Variants in TDRD3 observed in about 807,000 individuals in gnomAD.
TDRD3 encodes tudor domain containing 3, also known as tudor domain-containing protein 3.
TDRD3 carries 45 observed loss-of-function variants against 86.7 expected under a neutral mutation model. The ratio of observed to expected loss-of-function variants is 0.52; its 90% CI spans 0.41 to 0.67. The LOEUF (loss-of-function observed/expected upper bound fraction) is 0.67. Ranked by LOEUF, TDRD3 falls within the 30% of genes least tolerant of loss-of-function variation. TDRD3 has a pLI of 0.00. For missense variants in TDRD3, 814 were observed against 889.0 expected (o/e 0.92, Z 1.07); for synonymous variants, 298 against 301.7 (o/e 0.99, Z 0.13).
At chr13:60,518,565 G>T (rs961058565) in intron 10 of TDRD3, among the ~76,000 whole-genome samples, 7 of 152,256 alleles carry the variant, frequency 4.6e-5, no homozygotes, top group Admixed American at 4.6e-4. Context: ...TGCCATTGAT[G>T]TGTTGCTTTT....
At chr13:60,509,658 T>G in intron 8 of TDRD3, 105 bp from the exon 9 acceptor site, 1 of 1,350,206 alleles carries the variant, frequency 7.4e-7, no homozygotes, top group South Asian at 1.3e-5. Context: ...CATTTTTACA[T>G]AAGTATGGGA....
chr13:60,459,572 A>G (rs575080046), intron 3 of TDRD3, among the ~76,000 whole-genome samples: 1 of 152,326 alleles, frequency 6.6e-6, no homozygotes, highest in East Asian at 1.9e-4. Flanking sequence ...TGCTTCATGT[A>G]TACCAGGAGA....
chr13:60,567,144 A>G (rs539055674), intron 12 of TDRD3, among the ~76,000 whole-genome samples: 16 of 152,288 alleles, frequency 1.1e-4, no homozygotes, highest in African/African-American at 3.6e-4. Context: ...TAGAAGCCCA[A>G]ATATTCAAGA....
At chr13:60,566,647 A>AT (rs748754194) in intron 12 of TDRD3, among the ~76,000 whole-genome samples, 44 of 152,112 alleles carry the variant, frequency 2.9e-4, no homozygotes, top group Admixed American at 4.6e-4. Flanking sequence ...CTGAGAGCTA[A>AT]TTTTTTCTCT....
intron 1 of TDRD3, among the ~76,000 whole-genome samples, chr13:60,414,886 G>GTT (rs548282396): frequency 6.7e-6 from 1 of 148,334 alleles, no homozygotes; most frequent in African/African-American, 2.5e-5. Context: ...ACAGACAGTG[G>GTT]TTTTTTTTTT....
In TDRD3 at chr13:60,453,454, A is replaced by G. The variant is rs1955593631; in HGVS notation, c.193-6926A>G. On this transcript the variant is annotated intron_variant, in intron 3 of 13. Transcript: ENST00000377881. ...GAATTAGTACCAGTTTTTCTTTTTC[A>G]CCTTTTCCCTAATTTTCTCTAGCAA... 2.0e-5 allele frequency among the ~76,000 whole-genome samples: 3 copies of G among 151,710 alleles called. No homozygotes were observed. The South Asian group carries it at 6.3e-4, about 32-fold the overall frequency.
intron 1 of TDRD3, among the ~76,000 whole-genome samples, chr13:60,418,964 G>C (rs954509281): frequency 2.0e-5 from 3 of 152,138 alleles, no homozygotes; most frequent in African/African-American, 7.2e-5. Context: ...TTCTCCTTTT[G>C]ATAGACAATA....
chr13:60,446,115 A>C (rs2137987570), intron 3 of TDRD3, among the ~76,000 whole-genome samples: 1 of 152,278 alleles, frequency 6.6e-6, no homozygotes, highest in East Asian at 1.9e-4. Context: ...ATGAAACAAA[A>C]ATTTGATATC....
intron 8 of TDRD3, 182 bp from the exon 9 acceptor site, chr13:60,509,581 C>T: frequency 1.4e-6 from 1 of 711,494 alleles, no homozygotes; most frequent in East Asian, 2.6e-5. Context: ...GGCACAACCC[C>T]ACATATCATA....
chr13:60,531,830 T>TA (rs933585197), intron 11 of TDRD3, among the ~76,000 whole-genome samples: 11 of 151,936 alleles, frequency 7.2e-5, no homozygotes, highest in South Asian at 2.1e-4. Context: ...GAGCCATAGT[T>TA]AAAAAAAACA....
intron 4 of TDRD3, among the ~76,000 whole-genome samples, chr13:60,466,858 G>C (rs1454351946): frequency 6.6e-6 from 1 of 151,950 alleles, no homozygotes; most frequent in Non-Finnish European, 1.5e-5. Context: ...CTATTCATAT[G>C]ATATAGTCAG....
intron 8 of TDRD3, among the ~76,000 whole-genome samples, chr13:60,501,205 C>CG (rs1956823788): frequency 6.6e-6 from 1 of 152,206 alleles, no homozygotes. Context: ...AGTGGTAACT[C>CG]TAACTGCTGT....
chr13:60,490,304 T>G (rs1315993497), intron 7 of TDRD3, among the ~76,000 whole-genome samples: 1 of 152,076 alleles, frequency 6.6e-6, no homozygotes, highest in Non-Finnish European at 1.5e-5. Flanking sequence ...AGCCAAGACT[T>G]GAAGGAGGTA....
At chr13:60,407,558 T>C (rs1040947399) in intron 1 of TDRD3, among the ~76,000 whole-genome samples, 1 of 152,236 alleles carries the variant, frequency 6.6e-6, no homozygotes, top group African/African-American at 2.4e-5. Flanking sequence ...GAGATATAAC[T>C]AGTGATAATG....
intron 12 of TDRD3, among the ~76,000 whole-genome samples, chr13:60,547,767 G>A (rs1396124041): frequency 1.3e-5 from 2 of 152,110 alleles, no homozygotes; most frequent in African/African-American, 4.8e-5. Context: ...AAACAGTTAA[G>A]TATTCTAAGA....
intron 3 of TDRD3, among the ~76,000 whole-genome samples, chr13:60,455,514 GC>G (rs1229742731): frequency 1.3e-5 from 2 of 152,188 alleles, no homozygotes; most frequent in Admixed American, 6.5e-5. Context: ...CACTGGAAAT[GC>G]TTTTGGAAGT....
intron 10 of TDRD3, among the ~76,000 whole-genome samples, chr13:60,523,825 C>A (rs1957344448): frequency 6.6e-6 from 1 of 152,124 alleles, no homozygotes; most frequent in African/African-American, 2.4e-5. Context: ...GATCCACCCA[C>A]CTTGGCATCC....
chr13:60,453,911 T>G (rs951185105), intron 3 of TDRD3, among the ~76,000 whole-genome samples: 4 of 149,796 alleles, frequency 2.7e-5, no homozygotes, highest in East Asian at 1.9e-4. Flanking sequence ...GTTTTTTTTG[T>G]TTTTTTTTCA....
rs192963568 is a variant in TDRD3, at chr13:60,433,252, G to A, written c.42-6436G>A. Among the ~76,000 whole-genome samples the A allele has an allele frequency of 1.6e-3, 240 of 152,250 alleles. 1 individual carries two copies. The highest frequency in any genetic ancestry group is 5.4e-3 in the African/African-American group (223 of 41,558). On this transcript the variant is annotated intron_variant, in intron 1 of 13. Coordinates refer to ENST00000377881, the MANE Select transcript of TDRD3 (RefSeq NM_001146070.2). ...GGGTAAAAGAGAATAAAACTTTAAT[G>A]TTTGCTTTTATGGCTCACTTTCTGG...
Sources: allele counts gnomAD v4.1 joint callset (sites outside exome capture counted in the v4.1 genomes callset), GRCh38; gene constraint gnomAD v4.1.1; transcripts MANE v1.5; gene names NCBI Gene and HGNC (gene_info 2026-07-23, HGNC 2026-07-21).